Variants in CNOT9 observed in about 807,000 individuals in gnomAD.
CNOT9 encodes RCD1 required for cell differentiation1 homolog.
CNOT9 carries 8 observed loss-of-function variants against 37.4 expected under a neutral mutation model. The observed-to-expected ratio is 0.21, with a 90% CI of 0.13 to 0.39. The LOEUF (loss-of-function observed/expected upper bound fraction) is 0.39. CNOT9 is among the 10% of genes least tolerant of loss of function. The probability of loss-of-function intolerance (pLI) is 1.00; values close to 1 mark genes in which losing one functional copy is unlikely to be tolerated. For missense variants in CNOT9, 154 were observed against 365.3 expected, an observed-to-expected ratio of 0.42 and a Z score of 4.71; for synonymous variants, 120 against 137.6, an observed-to-expected ratio of 0.87 and a Z score of 0.90.
intron 3 of CNOT9, 23 bp downstream of exon 3, chr2:218,583,109 T>G: frequency 6.9e-7 from 1 of 1,445,606 alleles, no homozygotes; most frequent in Non-Finnish European, 9.7e-7. Context: ...GGTGAGTCAC[T>G]TGGGGGAGAT....
chr2:218,573,972 T>C (rs1313263077), intron 1 of CNOT9: 1 of 423,674 alleles, frequency 2.4e-6, no homozygotes, highest in Admixed American at 2.6e-5. Flanking sequence ...ATTTTTTTAT[T>C]TTATTTTATG....
chr2:218,574,636 C>T (rs1694108145), intron 1 of CNOT9, among the ~76,000 whole-genome samples: 2 of 152,186 alleles, frequency 1.3e-5, no homozygotes, highest in Admixed American at 1.3e-4. Context: ...CTCTATTAAC[C>T]TGTTTCCTCT....
intron 5 of CNOT9, among the ~76,000 whole-genome samples, chr2:218,588,614 T>TTTTTTTTTTTTTTTTTTTGG: frequency 8.6e-6 from 1 of 116,272 alleles, no homozygotes; most frequent in East Asian, 2.2e-4. Context: ...TTTTTTTTTT[T>TTTTTTTTTTTTTTTTTTTGG]GAGATGGAGT....
At chr2:218,573,965 TTTTTA>T (rs1416538344) in intron 1 of CNOT9, 4 of 419,526 alleles carry the variant, frequency 9.5e-6, no homozygotes, top group Admixed American at 2.7e-5. Context: ...TGACTTTATT[TTTTTA>T]TTTTATTTTA....
chr2:218,568,864 G>A lies in CNOT9; in HGVS notation c.-91G>A. ...GAGCCGGAGTCGGATGGCGGCTACG[G>A]CGGCTCATTGTTTTCCGCTGCAGGG... On this transcript the variant is annotated 5_prime_UTR_variant, in exon 1 of 8. Transcript: ENST00000273064. 6.9e-7 allele frequency: 1 copy of A among 1,447,612 alleles called. No homozygotes were observed. Among genetic ancestry groups the A allele is most frequent in the Non-Finnish European group, 9.5e-7 (1 of 1,057,384 alleles). 89.7% of individuals were successfully genotyped at this position (1,447,612 alleles called of 1,614,324 possible).
rs897575796 is a variant in CNOT9 at position 218,594,657 on chromosome 2, C to T, written c.*381C>T. 5 of 189,844 alleles carry T rather than the reference C, an allele frequency of 2.6e-5. No individual in the cohort carries two copies. The highest frequency in any genetic ancestry group is 4.7e-5 in the African/African-American group (2 of 42,706). The allele number at this position is 189,844 out of a possible 1,614,324, so 11.8% of individuals were successfully genotyped here. ...GCAGCAGCACTCTAGGCATGGTGAA[C>T]GCCTGGGACCAAGCCATGTGGCGTT... On this transcript the variant is annotated 3_prime_UTR_variant, in exon 8 of 8. Transcript: ENST00000273064.
intron 3 of CNOT9, 84 bp from the exon 4 acceptor site, chr2:218,584,528 A>G: frequency 1.0e-6 from 1 of 962,120 alleles, no homozygotes; most frequent in Non-Finnish European, 1.7e-6. Context: ...AAGGCCTTAC[A>G]GAATTAACCA....
chr2:218,594,376 A>G lies in CNOT9; in HGVS notation c.*100A>G, dbSNP rs1694870545. 4 of 1,314,756 alleles carry G rather than the reference A, an allele frequency of 3.0e-6. No individual in the cohort carries two copies. The highest frequency in any genetic ancestry group is 1.4e-5 in the South Asian group (1 of 70,958). The allele number at this position is 1,314,756 out of a possible 1,614,324, so 81.4% of individuals were successfully genotyped here. The stretch of plus-strand genomic sequence containing the variant: ...TTTTATCACCGACTGGGAATAGACA[A>G]CCTCAATGCTGAACCGCACTGGAGA... On this transcript the variant is annotated 3_prime_UTR_variant, in exon 8 of 8. Coordinates refer to ENST00000273064, the MANE Select transcript of CNOT9 (RefSeq NM_005444.3).
chr2:218,591,252 A>G (rs77092469), intron 5 of CNOT9, among the ~76,000 whole-genome samples: 1,887 of 152,306 alleles, frequency 0.012, 46 homozygotes, highest in African/African-American at 0.043. Context: ...AAGAAAGAGT[A>G]TCATTATCGT....
chr2:218,594,334 G>T lies in CNOT9; in HGVS notation c.*58G>T. ...GTTGGGGAAAGGAGGGGGAACCTAC[G>T]AGAAAAACAGCTCAGGTTTTATCAC... On this transcript the variant is annotated 3_prime_UTR_variant, in exon 8 of 8. Coordinates refer to ENST00000273064, the MANE Select transcript of CNOT9 (RefSeq NM_005444.3). 2 of 1,519,212 alleles carry T rather than the reference G, an allele frequency of 1.3e-6. No individual in the cohort carries two copies. Among genetic ancestry groups the T allele is most frequent in the Non-Finnish European group, 1.8e-6 (2 of 1,122,160 alleles). 94.1% of individuals were successfully genotyped at this position (1,519,212 alleles called of 1,614,324 possible).
chr2:218,586,532 A>G (rs1299577063), intron 4 of CNOT9, among the ~76,000 whole-genome samples: 2 of 145,734 alleles, frequency 1.4e-5, no homozygotes, highest in Non-Finnish European at 3.0e-5. Flanking sequence ...TCTGTTGCCC[A>G]GGCTAGAGTG....
rs1694902248 is a variant in CNOT9, at chr2:218,595,434, A to ATTTTTTTTTTTT, written c.*1158_*1159insTTTTTTTTTTTT. On this transcript the variant is annotated 3_prime_UTR_variant, in exon 8 of 8. Transcript: ENST00000273064. ...TTTTTTTTTTTTTTTTTTTTTTTTGACCATTCTCTTTTAGTCTATGGGAAT... is the reference window on the plus strand; with the variant it reads ...TTTTTTTTTTTTTTTTTTTTTTTTGATTTTTTTTTTTTCCATTCTCTTTTAGTCTATGGGAAT... The ATTTTTTTTTTTT allele has an allele frequency of 5.2e-5, 1 of 19,060 alleles. No individual in the cohort carries two copies. Among genetic ancestry groups the ATTTTTTTTTTTT allele is most frequent in the African/African-American group, 1.6e-4 (1 of 6,318 alleles). The allele number at this position is 19,060 out of a possible 1,614,324, so 1.2% of individuals were successfully genotyped here.
chr2:218,593,874 C>A, intron 7 of CNOT9: 1 of 1,174,572 alleles, frequency 8.5e-7, no homozygotes, highest in Non-Finnish European at 1.1e-6. Flanking sequence ...TTTAATTTTG[C>A]TTTTTCATGA....
intron 1 of CNOT9, among the ~76,000 whole-genome samples, chr2:218,575,363 ATTTTCTTTTTTC>A (rs1208520408): frequency 1.4e-5 from 2 of 139,724 alleles, no homozygotes; most frequent in African/African-American, 2.6e-5. Context: ...AAGATCCACA[ATTTTCTTTTTTC>A]TTTTCTTTTT....
At position 218,596,122 on chromosome 2, in the gene CNOT9, C is replaced by T. The variant is rs1694920225; in HGVS notation, c.*1846C>T. ...CGCCTTCCTGCTGAGCCAAAGTTTT[C>T]TCATTACCCCTCCACTGGGGAAGCA... On this transcript the variant is annotated 3_prime_UTR_variant, in exon 8 of 8. Transcript: ENST00000273064. 6.6e-6 allele frequency: 1 copy of T among 152,242 alleles called. No individual in the cohort carries two copies. The highest frequency in any genetic ancestry group is 1.5e-5 in the Non-Finnish European group (1 of 68,086). 9.4% of individuals were successfully genotyped at this position (152,242 alleles called of 1,614,324 possible). A position where few individuals can be genotyped will look rare whatever the true frequency, so the allele number is the denominator to read the frequency against.
Position 218,594,623 on chromosome 2 carries a change from G to A in CNOT9, c.*347G>A, listed in dbSNP as rs1308464517. 3.8e-6 allele frequency: 1 copy of A among 263,324 alleles called. No individual in the cohort carries two copies. The highest frequency in any genetic ancestry group is 2.2e-5 in the African/African-American group (1 of 45,182). The allele number at this position is 263,324 out of a possible 1,614,324, so 16.3% of individuals were successfully genotyped here. The stretch of plus-strand genomic sequence containing the variant: ...TAGCCACTGGCAGGGAGGGGAGACA[G>A]TGGTGATAGCAGCAGCACTCTAGGC... On this transcript the variant is annotated 3_prime_UTR_variant, in exon 8 of 8. Coordinates refer to ENST00000273064, the MANE Select transcript of CNOT9 (RefSeq NM_005444.3).
chr2:218,586,405 A>G (rs1405723444), intron 4 of CNOT9, among the ~76,000 whole-genome samples: 1 of 152,134 alleles, frequency 6.6e-6, no homozygotes, highest in Non-Finnish European at 1.5e-5. Context: ...ATGTGAGGAC[A>G]TAGTGAGAAG....
intron 7 of CNOT9, chr2:218,593,457 CT>C: frequency 1.1e-6 from 1 of 918,818 alleles, no homozygotes; most frequent in Non-Finnish European, 1.5e-6. Flanking sequence ...ACAAAGAAAA[CT>C]AGTCTGAGTG....
At chr2:218,584,118 A>G (rs1694509279) in intron 3 of CNOT9, among the ~76,000 whole-genome samples, 1 of 152,218 alleles carries the variant, frequency 6.6e-6, no homozygotes, top group Non-Finnish European at 1.5e-5. Flanking sequence ...TTTGTGGTCT[A>G]TTTTTTAAAA....
Sources: gnomAD v4.1 joint callset for allele counts (sites outside exome capture counted in the v4.1 genomes callset) on GRCh38, gnomAD v4.1.1 for gene constraint, MANE v1.5 for transcripts, NCBI Gene and HGNC (gene_info 2026-07-23, HGNC 2026-07-21) for gene names.